Variants in FBXO7 observed in about 807,000 individuals in gnomAD.
The protein encoded by FBXO7 is F-box protein 7.
A neutral mutation model predicts 50.2 loss-of-function variants in FBXO7; 31 were observed. That is an observed-to-expected ratio of 0.62 (90% CI 0.46 to 0.83). The LOEUF is 0.83. Ranked by LOEUF, FBXO7 falls within the 40% of genes least tolerant of loss-of-function variation. The pLI, the probability that FBXO7 is intolerant of heterozygous loss-of-function variation, is 0.00. For missense variants in FBXO7, 667 were observed against 646.6 expected, an observed-to-expected ratio of 1.03 and a Z score of -0.34; for synonymous variants, 256 against 253.1, an observed-to-expected ratio of 1.01 and a Z score of -0.11.
chr22:32,495,399 G>A, intron 7 of FBXO7, 94 bp from the exon 8 acceptor site: 1 of 714,640 alleles, frequency 1.4e-6, no homozygotes, highest in South Asian at 1.7e-5. Context: ...TAACGGGTAA[G>A]TTTCACTTTT....
chr22:32,491,401 C>T (rs1601514476), intron 6 of FBXO7: 6 of 484,876 alleles, frequency 1.2e-5, no homozygotes, highest in Non-Finnish European at 2.2e-5. Flanking sequence ...TTTCCATGGA[C>T]TATAATTGTT....
At chr22:32,492,968 A>G in intron 6 of FBXO7, 137 bp from the exon 7 acceptor site, 1 of 832,172 alleles carries the variant, frequency 1.2e-6, no homozygotes, top group Non-Finnish European at 2.1e-6. Flanking sequence ...GATGATGCAT[A>G]CTTGGGGATA....
chr22:32,490,671 A>G (rs1457483596), intron 5 of FBXO7: 1 of 167,022 alleles, frequency 6.0e-6, no homozygotes, highest in African/African-American at 2.4e-5. Flanking sequence ...AACGCTTGAC[A>G]CAGGTGCTGA....
intron 8 of FBXO7, 114 bp downstream of exon 8, chr22:32,495,644 T>C: frequency 2.1e-6 from 1 of 466,608 alleles, no homozygotes. Context: ...TGTTTTAATT[T>C]ATTGCTAAAT....
At chr22:32,481,956 G>T (rs1304215090) in intron 2 of FBXO7, among the ~76,000 whole-genome samples, 1 of 151,760 alleles carries the variant, frequency 6.6e-6, no homozygotes, top group African/African-American at 2.4e-5. Flanking sequence ...GAATGTCAGT[G>T]GTTCTTATGG....
At chr22:32,485,304 A>C in intron 4 of FBXO7, 95 bp downstream of exon 4, 1 of 1,477,124 alleles carries the variant, frequency 6.8e-7, no homozygotes, top group Middle Eastern at 2.1e-4. Flanking sequence ...GGCTATCATG[A>C]TACAGTTGTG....
intron 1 of FBXO7, chr22:32,475,488 AATG>A: frequency 6.5e-7 from 1 of 1,531,790 alleles, no homozygotes; most frequent in East Asian, 2.4e-5. Context: ...TCAAGTTGGA[AATG>A]ATGAGCTTGG....
rs1020328724 is a variant in FBXO7 at position 32,498,388 on chromosome 22, C to T, written c.1427C>T (p.Pro476Leu). ...PGPGETPSQF[P>L]PLRPRFDPVG... ...CCTGGGGAGACGCCCAGCCAGTTTC[C>T]TCCACTGAGACCACGCTTTGATCCA... The change falls in exon 9 of 9, where the codon CCT (proline) becomes CTT (leucine). Residue 476 changes from proline (P) to leucine (L), a missense_variant. Transcript: ENST00000266087. 2.5e-6 allele frequency: 4 copies of T among 1,614,206 alleles called. No homozygotes were observed. In the Admixed American group the frequency reaches 6.7e-5, roughly 27 times the overall value.
At chr22:32,491,962 T>C (rs1029299) in intron 6 of FBXO7, 63,302 of 151,966 alleles carry the variant, frequency 0.42, 13,683 homozygotes, top group East Asian at 0.69. Flanking sequence ...GACATGCTCC[T>C]CTTGTAGTAG....
intron 7 of FBXO7, 105 bp downstream of exon 7, chr22:32,493,386 C>A: frequency 1.1e-6 from 1 of 892,854 alleles, no homozygotes; most frequent in Non-Finnish European, 1.9e-6. Flanking sequence ...CAAATGATTA[C>A]AATAAATAGC....
At chr22:32,495,614 T>G in intron 8 of FBXO7, 84 bp downstream of exon 8, 1 of 658,528 alleles carries the variant, frequency 1.5e-6, no homozygotes, top group South Asian at 2.9e-5. Context: ...ATTTTCACTT[T>G]TATATGATGT....
chr22:32,487,972 C>T, intron 5 of FBXO7, 144 bp downstream of exon 5: 2 of 638,284 alleles, frequency 3.1e-6, no homozygotes, highest in Non-Finnish European at 5.6e-6. Context: ...TTTAAGAATG[C>T]AAAGGTTTAA....
intron 2 of FBXO7, 100 bp from the exon 3 acceptor site, chr22:32,483,797 T>C (rs1227982466): frequency 9.8e-7 from 1 of 1,018,080 alleles, no homozygotes; most frequent in Admixed American, 1.9e-5. Context: ...AACCCAATGA[T>C]GTACTTTGAC....
chr22:32,484,425 C>T (rs541812199), intron 3 of FBXO7, among the ~76,000 whole-genome samples: 1 of 152,292 alleles, frequency 6.6e-6, no homozygotes, highest in South Asian at 2.1e-4. Flanking sequence ...CTTCATACTC[C>T]TGCATAATAC....
chr22:32,492,736 C>A, intron 6 of FBXO7: 1 of 269,142 alleles, frequency 3.7e-6, no homozygotes. Context: ...GATATAAAAG[C>A]CAGTGAATTA....
At position 32,479,151 on chromosome 22, in the gene FBXO7, T is replaced by A. The variant is rs2057447441; in HGVS notation, c.293T>A (p.Leu98His). The A allele has an allele frequency of 6.2e-7, 1 of 1,614,062 alleles. No homozygotes were observed. The highest frequency in any genetic ancestry group is 1.1e-5 in the South Asian group (1 of 91,070). ...TCCACAGATTCAGAGCATTCTTCAC[T>A]CCAGAATAATGAGCAACCCTCTTTG... is the stretch of plus-strand genomic sequence containing the variant. The part of the protein sequence containing the change: ...PSSTDSEHSS[L>H]QNNEQPSLAT... Residue 98 changes from leucine to histidine, a missense_variant, in exon 2 of 9, where the codon CTC becomes CAC. Leu to His is a moderately conservative substitution (Grantham distance 99, BLOSUM62 -3). Coordinates refer to ENST00000266087, the MANE Select transcript of FBXO7 (RefSeq NM_012179.4).
intron 2 of FBXO7, among the ~76,000 whole-genome samples, chr22:32,482,872 T>C (rs565829506): frequency 2.6e-5 from 4 of 152,334 alleles, no homozygotes; most frequent in South Asian, 2.1e-4. Context: ...GATGCAGATA[T>C]GTAATCAGAA....
intron 7 of FBXO7, among the ~76,000 whole-genome samples, chr22:32,493,582 G>A (rs1427640083): frequency 3.9e-5 from 6 of 152,202 alleles, no homozygotes; most frequent in Admixed American, 2.0e-4. Flanking sequence ...GTAGAAACGA[G>A]CTGGCATTTC....
chr22:32,486,332 GTTTCT>G (rs2057498300), intron 4 of FBXO7, among the ~76,000 whole-genome samples: 1 of 151,496 alleles, frequency 6.6e-6, no homozygotes, highest in African/African-American at 2.4e-5. Context: ...CTCTTACAAA[GTTTCT>G]TTTTTCTTTT....
Sources: gnomAD v4.1 joint callset for allele counts (sites outside exome capture counted in the v4.1 genomes callset) on GRCh38, gnomAD v4.1.1 for gene constraint, MANE v1.5 for transcripts, NCBI Gene and HGNC (gene_info 2026-07-23, HGNC 2026-07-21) for gene names.